ZNF827: variants seen among roughly 807,000 people sequenced by gnomAD.
The protein encoded by ZNF827 is zinc finger protein 827.
Under a neutral mutation model 102.4 loss-of-function variants are expected in ZNF827, and 13 were observed. The ratio of observed to expected loss-of-function variants is 0.13; its 90% CI spans 0.08 to 0.20. ZNF827 has a LOEUF of 0.20. Ranked by LOEUF, ZNF827 falls within the 10% of genes least tolerant of loss-of-function variation. The probability of loss-of-function intolerance (pLI) is 1.00; values close to 1 mark genes in which losing one functional copy is unlikely to be tolerated. For synonymous variants in ZNF827, 523 were observed against 536.2 expected, an observed-to-expected ratio of 0.98 and a Z score of 0.34; for missense variants, 1,103 against 1,344.4, an observed-to-expected ratio of 0.82 and a Z score of 2.81.
intron 2 of ZNF827, among the ~76,000 whole-genome samples, chr4:145,897,998 T>A (rs2126871155): frequency 6.6e-6 from 1 of 152,118 alleles, no homozygotes; most frequent in Non-Finnish European, 1.5e-5. Flanking sequence ...CTACTAAAAA[T>A]ACAAAAATTA....
At chr4:145,905,471 G>GA (rs1385409369) in intron 1 of ZNF827, among the ~76,000 whole-genome samples, 78 of 152,188 alleles carry the variant, frequency 5.1e-4, no homozygotes, top group African/African-American at 1.5e-3. Context: ...AATTTGCTGG[G>GA]AAAAAAAGCA....
At chr4:145,806,283 C>A (rs980156938) in intron 8 of ZNF827, among the ~76,000 whole-genome samples, 4 of 151,192 alleles carry the variant, frequency 2.6e-5, no homozygotes, top group African/African-American at 9.7e-5. Context: ...TCCCAAGTAA[C>A]TGGGATCACA....
chr4:145,802,018 T>A (rs1740959398), intron 8 of ZNF827, among the ~76,000 whole-genome samples: 1 of 152,142 alleles, frequency 6.6e-6, no homozygotes, highest in Non-Finnish European at 1.5e-5. Context: ...GAGAGGGTCA[T>A]TTGTCCCTTA....
chr4:145,929,011 G>C (rs1753625634), intron 1 of ZNF827, among the ~76,000 whole-genome samples: 1 of 152,198 alleles, frequency 6.6e-6, no homozygotes, highest in African/African-American at 2.4e-5. Context: ...TTCAAAGGAA[G>C]CTGGAAATTT....
chr4:145,852,704 T>A (rs992241883), intron 5 of ZNF827, among the ~76,000 whole-genome samples: 1 of 152,186 alleles, frequency 6.6e-6, no homozygotes, highest in Non-Finnish European at 1.5e-5. Flanking sequence ...TTTAGCAACA[T>A]CCTTGGTCTC....
chr4:145,830,139 T>A (rs2126536767), intron 7 of ZNF827, among the ~76,000 whole-genome samples: 1 of 152,346 alleles, frequency 6.6e-6, no homozygotes, highest in South Asian at 2.1e-4. Flanking sequence ...GTAACTTGCA[T>A]ATGGGATCTC....
chr4:145,883,781 T>C (rs1352922378), intron 4 of ZNF827, among the ~76,000 whole-genome samples: 1 of 152,104 alleles, frequency 6.6e-6, no homozygotes. Context: ...TTCTAAGCTA[T>C]GTGATGTGAA....
rs1211867721 is a variant in ZNF827 at position 145,765,327 on chromosome 4, A to G, written c.3053-162T>C. On this transcript the variant is annotated intron_variant, in intron 12 of 14. Coordinates refer to ENST00000508784, the MANE Select transcript of ZNF827 (RefSeq NM_001306215.2). The surrounding 1 kb of genome is among the most constrained non-coding windows in gnomAD (Gnocchi z 4.7). ...ATATCTCTGTGCTAAAAGGAGTTAA[A>G]TGTACAAACATCGGAATCAATGTCA... Among the ~76,000 whole-genome samples the G allele has an allele frequency of 6.6e-6, 1 of 152,162 alleles. No individual in the cohort carries two copies. The highest frequency in any genetic ancestry group is 2.4e-5 in the African/African-American group (1 of 41,422).
chr4:145,935,708 G>A (rs1257829661), intron 1 of ZNF827, among the ~76,000 whole-genome samples: 1 of 152,146 alleles, frequency 6.6e-6, no homozygotes, highest in Non-Finnish European at 1.5e-5. Context: ...AGACAGCAAA[G>A]TAGGAGAGCC....
intron 3 of ZNF827, among the ~76,000 whole-genome samples, chr4:145,889,795 G>A (rs942552984): frequency 2.6e-5 from 4 of 152,110 alleles, no homozygotes; most frequent in Admixed American, 2.6e-4. Context: ...TGGCTAACAT[G>A]GTGAAACCTC....
chr4:145,918,693 T>C (rs1288433669), intron 1 of ZNF827, among the ~76,000 whole-genome samples: 2 of 152,130 alleles, frequency 1.3e-5, no homozygotes, highest in African/African-American at 4.8e-5. Flanking sequence ...TCGGGCAAGG[T>C]TGGGCTCTAT....
At chr4:145,860,227 T>G (rs1344282147) in intron 5 of ZNF827, among the ~76,000 whole-genome samples, 1 of 152,216 alleles carries the variant, frequency 6.6e-6, no homozygotes, top group East Asian at 1.9e-4. Flanking sequence ...CACCTCTTCT[T>G]CTCAGTAATC....
In ZNF827 at chr4:145,907,262, G is replaced by A. The variant is rs1243405296; in HGVS notation, c.44-4047C>T. The stretch of plus-strand genomic sequence containing the variant: ...TTTTCATGTCCAATCTCATAATGGA[G>A]GAGTTCTTGAATGTTGCAGTGGTCT... On this transcript the variant is annotated intron_variant, in intron 1 of 14. Coordinates refer to ENST00000508784, the MANE Select transcript of ZNF827 (RefSeq NM_001306215.2). 3.3e-5 allele frequency: 15 copies of A among 454,130 alleles called. 1 individual carries two copies. The Admixed American group carries it at 3.6e-4, about 11-fold the overall frequency. 28.1% of individuals were successfully genotyped at this position (454,130 alleles called of 1,614,324 possible). A position where few individuals can be genotyped will look rare whatever the true frequency, so the allele number is the denominator to read the frequency against.
At position 145,805,786 on chromosome 4, in the gene ZNF827, T is replaced by TTCCGCGGTCAAGCTC. The variant is rs1741364562; in HGVS notation, c.2383+17621_2383+17635dup. 2.0e-5 allele frequency among the ~76,000 whole-genome samples: 3 copies of TTCCGCGGTCAAGCTC among 152,076 alleles called. No individual in the cohort carries two copies. In the South Asian group the frequency reaches 6.2e-4, roughly 32 times the overall value. On this transcript the variant is annotated intron_variant, in intron 8 of 14. Coordinates refer to ENST00000508784, the MANE Select transcript of ZNF827 (RefSeq NM_001306215.2). ...GCCTCACCTCCCTTCCTGCTGTCAC[T>TTCCGCGGTCAAGCTC]TCCGCGGTCAAGCTCACCCTGACGT...
intron 8 of ZNF827, among the ~76,000 whole-genome samples, chr4:145,784,430 A>AT (rs1194295344): frequency 6.6e-6 from 1 of 152,204 alleles, no homozygotes; most frequent in Non-Finnish European, 1.5e-5. Flanking sequence ...GACTTTGAAC[A>AT]TTAGGTTCCA....
At position 145,761,654 on chromosome 4, in the gene ZNF827, C is replaced by G; in HGVS notation, c.*18-56G>C. Reference sequence around the variant, plus strand: ...AGCCGGGAAGGTTCGGAGGCAGCCGCGCTTCTCGCCGCCTCACCAGCCTTC... The same window carrying G: ...AGCCGGGAAGGTTCGGAGGCAGCCGGGCTTCTCGCCGCCTCACCAGCCTTC... On this transcript the variant is annotated intron_variant, in intron 14 of 14. Coordinates refer to ENST00000508784, the MANE Select transcript of ZNF827 (RefSeq NM_001306215.2). This position sits in a 1 kb window ranked among gnomAD's most constrained non-coding sequence, Gnocchi z 6.8. 9.4e-7 allele frequency: 1 copy of G among 1,064,672 alleles called. No homozygotes were observed. Among genetic ancestry groups the G allele is most frequent in the Non-Finnish European group, 1.2e-6 (1 of 810,934 alleles). 66.0% of individuals were successfully genotyped at this position (1,064,672 alleles called of 1,614,324 possible).
chr4:145,770,156 G>A (rs1168725714), intron 11 of ZNF827, among the ~76,000 whole-genome samples: 3 of 152,060 alleles, frequency 2.0e-5, no homozygotes, highest in South Asian at 2.1e-4. Flanking sequence ...AAAATAAGCT[G>A]GGCGTGGTGC....
intron 4 of ZNF827, among the ~76,000 whole-genome samples, chr4:145,883,133 G>A (rs1443352470): frequency 6.6e-6 from 1 of 151,330 alleles, no homozygotes; most frequent in Non-Finnish European, 1.5e-5. Context: ...CTCCTGAGCT[G>A]CATTGCCACA....
chr4:145,768,890 AATATATAT>A lies in ZNF827; in HGVS notation c.2861-3160_2861-3153del, dbSNP rs1553975846. Among the ~76,000 whole-genome samples the A allele has an allele frequency of 4.9e-3, 38 of 7,724 alleles. 3 individuals carry two copies. Among genetic ancestry groups the A allele is most frequent in the South Asian group, 0.011 (2 of 186 alleles). 5.1% of individuals were successfully genotyped at this position (7,724 alleles called of 152,430 possible). A position where few individuals can be genotyped will look rare whatever the true frequency, so the allele number is the denominator to read the frequency against. On this transcript the variant is annotated intron_variant, in intron 11 of 14. Coordinates refer to ENST00000508784, the MANE Select transcript of ZNF827 (RefSeq NM_001306215.2). ...AAAAAAAAAAAAAAAAAAAAAAAAA[AATATATAT>A]ATATATATATATATATATTAGGTAT...
Sources: allele counts gnomAD v4.1 joint callset (sites outside exome capture counted in the v4.1 genomes callset), GRCh38; gene constraint gnomAD v4.1.1; non-coding constraint Gnocchi (gnomAD v3.1); transcripts MANE v1.5; gene names NCBI Gene and HGNC (gene_info 2026-07-23, HGNC 2026-07-21).